Variants in UNC13C observed in about 807,000 individuals in gnomAD.
UNC13C encodes the protein unc-13 homolog C, also known as protein unc-13 homolog C.
Under a neutral mutation model 245.4 loss-of-function variants are expected in UNC13C, and 174 were observed. The ratio of observed to expected loss-of-function variants is 0.71; its 90% CI spans 0.63 to 0.80. The LOEUF is 0.80. UNC13C is among the 30% of genes least tolerant of loss of function. The probability of loss-of-function intolerance (pLI) is 0.00; values close to 1 mark genes in which losing one functional copy is unlikely to be tolerated. For missense variants in UNC13C, 2,829 were observed against 2,602.9 expected (o/e 1.09, Z -1.89); for synonymous variants, 992 against 895.1 (o/e 1.11, Z -1.93).
At chr15:54,301,866 T>C (rs955424132) in intron 13 of UNC13C, among the ~76,000 whole-genome samples, 3 of 152,212 alleles carry the variant, frequency 2.0e-5, no homozygotes, top group Admixed American at 2.0e-4. Context: ...ATCACCACAC[T>C]GTGTTCCACA....
intron 7 of UNC13C, among the ~76,000 whole-genome samples, chr15:54,240,279 G>C (rs2035816452): frequency 6.6e-6 from 1 of 152,254 alleles, no homozygotes. Context: ...TATGACTTCT[G>C]TACAACAGGC....
At chr15:54,474,269 G>T (rs1158936060) in intron 19 of UNC13C, among the ~76,000 whole-genome samples, 1 of 151,756 alleles carries the variant, frequency 6.6e-6, no homozygotes, top group Non-Finnish European at 1.5e-5. Context: ...TTCCATAATG[G>T]CTATACTAAT....
chr15:54,382,974 C>A (rs1033997391), intron 17 of UNC13C, among the ~76,000 whole-genome samples: 1 of 152,190 alleles, frequency 6.6e-6, no homozygotes, highest in African/African-American at 2.4e-5. Flanking sequence ...TGGAAGCATA[C>A]AACTTACCAA....
the UNC13C span, among the ~76,000 whole-genome samples, chr15:53,899,941 A>G: frequency 1.3e-5 from 2 of 152,136 alleles, no homozygotes; most frequent in Non-Finnish European, 2.9e-5. Flanking sequence ...CCATCTCCCC[A>G]ACAGATAACT....
intron 26 of UNC13C, among the ~76,000 whole-genome samples, chr15:54,534,701 G>T (rs1895911266): frequency 6.6e-6 from 1 of 152,142 alleles, no homozygotes. Flanking sequence ...TGATACAAGG[G>T]CTAAAAGACA....
At chr15:54,629,330 A>G (rs979634540), downstream of UNC13C, 1 of 152,174 alleles carries the variant, frequency 6.6e-6, no homozygotes, top group African/African-American at 2.4e-5. Context: ...CTGTCACGCT[A>G]CGAAGCTTAC....
chr15:53,977,352 C>CAGT (rs1566927235), upstream of UNC13C, among the ~76,000 whole-genome samples: 64 of 152,202 alleles, frequency 4.2e-4, no homozygotes, highest in African/African-American at 1.2e-3. Flanking sequence ...ATGCTATATC[C>CAGT]GGTTTAACTG....
At chr15:54,359,667 C>G (rs1026272612) in intron 17 of UNC13C, among the ~76,000 whole-genome samples, 1 of 151,734 alleles carries the variant, frequency 6.6e-6, no homozygotes, top group African/African-American at 2.4e-5. Flanking sequence ...TGTATTGAAT[C>G]ATTTGTATTT....
Position 53,978,704 on chromosome 15 carries a change from A to G in UNC13C, c.-480A>G, listed in dbSNP as rs1390006351. Among the ~76,000 whole-genome samples, 1 of 152,162 alleles carries G rather than the reference A, an allele frequency of 6.6e-6. No individual in the cohort carries two copies. The highest frequency in any genetic ancestry group is 1.5e-5 in the Non-Finnish European group (1 of 68,022). On this transcript the variant is annotated 5_prime_UTR_variant, in exon 1 of 33. Transcript: ENST00000260323. ...GGGAGTGCGATAGAATTGACAAGAAAAGAACAGACACCGTTGCAGACCAAG... is the reference window on the plus strand; with the variant it reads ...GGGAGTGCGATAGAATTGACAAGAAGAGAACAGACACCGTTGCAGACCAAG...
chr15:54,589,899 G>T (rs144821941), intron 30 of UNC13C, among the ~76,000 whole-genome samples: 16 of 152,048 alleles, frequency 1.1e-4, no homozygotes, highest in Non-Finnish European at 1.8e-4. Flanking sequence ...CAATGTTATC[G>T]TCTAGAATTT....
At chr15:53,946,782 T>C in the UNC13C span, among the ~76,000 whole-genome samples, 1 of 151,906 alleles carries the variant, frequency 6.6e-6, no homozygotes, top group African/African-American at 2.4e-5. Context: ...GTTCTGCTTA[T>C]GTAATGAATC....
chr15:54,165,417 T>A (rs1039020682), intron 4 of UNC13C, among the ~76,000 whole-genome samples: 1 of 152,146 alleles, frequency 6.6e-6, no homozygotes, highest in Non-Finnish European at 1.5e-5. Flanking sequence ...TTCTCACAAC[T>A]ATATTAAGTG....
chr15:54,519,007 G>T (rs1157109853), intron 24 of UNC13C, among the ~76,000 whole-genome samples: 1 of 152,000 alleles, frequency 6.6e-6, no homozygotes, highest in Non-Finnish European at 1.5e-5. Flanking sequence ...TCTCAGAAGA[G>T]AATTTCTTCA....
intron 4 of UNC13C, among the ~76,000 whole-genome samples, chr15:54,193,439 T>C (rs113887010): frequency 6.6e-6 from 1 of 152,170 alleles, no homozygotes; most frequent in East Asian, 1.9e-4. Context: ...TCCTTTTTAT[T>C]TTTTGCCCTA....
At chr15:54,240,643 A>G (rs1012427814) in intron 7 of UNC13C, among the ~76,000 whole-genome samples, 1 of 152,224 alleles carries the variant, frequency 6.6e-6, no homozygotes, top group Middle Eastern at 3.4e-3. Flanking sequence ...CAGTGCCCCC[A>G]TCCATCACCA....
intron 13 of UNC13C, among the ~76,000 whole-genome samples, chr15:54,317,742 G>GA (rs1465542462): frequency 6.6e-6 from 1 of 151,832 alleles, no homozygotes; most frequent in Non-Finnish European, 1.5e-5. Flanking sequence ...TTTTGTGGGA[G>GA]AACTTTTAAC....
At chr15:54,605,249 C>T (rs904278590) in intron 30 of UNC13C, among the ~76,000 whole-genome samples, 1 of 152,200 alleles carries the variant, frequency 6.6e-6, no homozygotes, top group Non-Finnish European at 1.5e-5. Flanking sequence ...GATCAGACAG[C>T]TGAGTTCTAA....
At chr15:54,214,892 G>T (rs549276819) in intron 4 of UNC13C, among the ~76,000 whole-genome samples, 1 of 151,838 alleles carries the variant, frequency 6.6e-6, no homozygotes, top group Non-Finnish European at 1.5e-5. Flanking sequence ...ATGTTTAAAA[G>T]CTAACACCCT....
chr15:54,302,053 T>C (rs1245178363), intron 13 of UNC13C, among the ~76,000 whole-genome samples: 7 of 152,216 alleles, frequency 4.6e-5, no homozygotes, highest in Non-Finnish European at 1.0e-4. Flanking sequence ...TGATGAGCTT[T>C]TTTTTCATAT....
Sources: allele counts gnomAD v4.1 joint callset (sites outside exome capture counted in the v4.1 genomes callset), GRCh38; gene constraint gnomAD v4.1.1; transcripts MANE v1.5; gene names NCBI Gene and HGNC (gene_info 2026-07-23, HGNC 2026-07-21).